Variants in SMYD3 observed in about 807,000 individuals in gnomAD.
The protein encoded by SMYD3 is histone-lysine N-methyltransferase SMYD3.
Under a neutral mutation model 57.7 loss-of-function variants are expected in SMYD3, and 36 were observed. That is an observed-to-expected ratio of 0.62 (90% CI 0.48 to 0.82). The LOEUF is 0.82. SMYD3 is among the 40% of genes least tolerant of loss of function. The pLI is 0.00. For synonymous variants in SMYD3, 211 were observed against 195.0 expected (o/e 1.08, Z -0.68); for missense variants, 515 against 538.8 (o/e 0.96, Z 0.44).
intron 5 of SMYD3, among the ~76,000 whole-genome samples, chr1:246,169,011 C>T (rs545115412): frequency 6.6e-6 from 1 of 152,216 alleles, no homozygotes; most frequent in Admixed American, 6.5e-5. Flanking sequence ...CAATTTTATA[C>T]CTATAATTCT....
At chr1:245,907,349 T>C (rs75512090) in intron 8 of SMYD3, among the ~76,000 whole-genome samples, 1,831 of 152,282 alleles carry the variant, frequency 0.012, 35 homozygotes, top group African/African-American at 0.041. Context: ...GCCCCTACTA[T>C]GTACCCACAA....
At chr1:246,205,887 C>G (rs543993360) in intron 5 of SMYD3, among the ~76,000 whole-genome samples, 1 of 152,234 alleles carries the variant, frequency 6.6e-6, no homozygotes, top group East Asian at 1.9e-4. Flanking sequence ...AGGCAAGTTA[C>G]TAAACTTTTC....
chr1:246,113,491 T>A (rs2061288830), intron 5 of SMYD3, among the ~76,000 whole-genome samples: 1 of 152,246 alleles, frequency 6.6e-6, no homozygotes, highest in South Asian at 2.1e-4. Flanking sequence ...AGATGTTTGC[T>A]GACAGATAAA....
intron 5 of SMYD3, among the ~76,000 whole-genome samples, chr1:246,219,224 G>A (rs992729082): frequency 1.3e-5 from 2 of 152,016 alleles, no homozygotes; most frequent in South Asian, 4.2e-4. Flanking sequence ...AAAACCACCT[G>A]TGGCCCTATC....
chr1:246,154,190 G>C (rs2061986442), intron 5 of SMYD3, among the ~76,000 whole-genome samples: 1 of 152,080 alleles, frequency 6.6e-6, no homozygotes, highest in Non-Finnish European at 1.5e-5. Flanking sequence ...AAATAATAAG[G>C]GCCTTAAAGG....
At chr1:246,169,381 C>CAAAAAAAAAA (rs55719556) in intron 5 of SMYD3, among the ~76,000 whole-genome samples, 1 of 61,880 alleles carries the variant, frequency 1.6e-5, no homozygotes, top group African/African-American at 6.5e-5. Flanking sequence ...GACTTTCTTT[C>CAAAAAAAAAA]AAAAAAAAAA....
At chr1:246,206,995 C>T (rs1180404985) in intron 5 of SMYD3, among the ~76,000 whole-genome samples, 1 of 152,168 alleles carries the variant, frequency 6.6e-6, no homozygotes, top group African/African-American at 2.4e-5. Flanking sequence ...TGAAGGAACA[C>T]AGTTGAGTTC....
chr1:246,483,354 A>C (rs778068188), intron 1 of SMYD3: 1 of 152,220 alleles, frequency 6.6e-6, no homozygotes, highest in African/African-American at 2.4e-5. Context: ...ACAACCATTA[A>C]GACACCCAGA....
chr1:245,914,320 C>G (rs2055238786), intron 8 of SMYD3, among the ~76,000 whole-genome samples: 1 of 152,260 alleles, frequency 6.6e-6, no homozygotes, highest in Middle Eastern at 3.4e-3. Context: ...TACCTGCAGC[C>G]CCATGTTTAT....
At chr1:246,278,714 G>A (rs2064384637) in intron 5 of SMYD3, among the ~76,000 whole-genome samples, 1 of 152,188 alleles carries the variant, frequency 6.6e-6, no homozygotes, top group Admixed American at 6.5e-5. Flanking sequence ...AGCTTTATGA[G>A]ACCCTACATG....
intron 1 of SMYD3, among the ~76,000 whole-genome samples, chr1:246,443,857 C>T (rs2067507046): frequency 3.3e-5 from 5 of 152,104 alleles, no homozygotes; most frequent in Admixed American, 3.3e-4. Context: ...ATTGTTAAGC[C>T]TGTTCTGTCA....
chr1:245,926,744 G>T (rs1558502010), intron 7 of SMYD3, among the ~76,000 whole-genome samples: 1 of 152,106 alleles, frequency 6.6e-6, no homozygotes, highest in Non-Finnish European at 1.5e-5. Context: ...TTTTTAATTT[G>T]CAAAAACATC....
chr1:246,353,079 C>T (rs2065857193), intron 2 of SMYD3, among the ~76,000 whole-genome samples: 1 of 152,128 alleles, frequency 6.6e-6, no homozygotes, highest in Admixed American at 6.5e-5. Context: ...GTATAAAAAG[C>T]AGTATTAATG....
intron 10 of SMYD3, among the ~76,000 whole-genome samples, chr1:245,843,590 A>T (rs2050515291): frequency 6.6e-6 from 1 of 151,286 alleles, no homozygotes; most frequent in Non-Finnish European, 1.5e-5. Context: ...ATGTGCATAT[A>T]CATATATGTG....
intron 10 of SMYD3, among the ~76,000 whole-genome samples, chr1:245,832,944 G>A (rs1223341712): frequency 6.6e-6 from 1 of 151,566 alleles, no homozygotes; most frequent in Non-Finnish European, 1.5e-5. Flanking sequence ...CATAATGGGG[G>A]AATCAGCATT....
rs571831236 is a variant in SMYD3 at position 246,447,644 on chromosome 1, T to G, written c.164+59410A>C. 3.9e-5 allele frequency among the ~76,000 whole-genome samples: 6 copies of G among 152,260 alleles called. No homozygotes were observed. The South Asian group carries it at 1.0e-3, about 26-fold the overall frequency. On this transcript the variant is annotated intron_variant, in intron 1 of 11. Coordinates refer to ENST00000490107, the MANE Select transcript of SMYD3 (RefSeq NM_001167740.2). ...CTTATAGTCTACAGAAGTATCCACA[T>G]AAGGAGAGCTAGCAGGACACACACA...
At position 245,909,552 on chromosome 1, in the gene SMYD3, GAC is replaced by G. The variant is rs543268363; in HGVS notation, c.813+5976_813+5977del. Among the ~76,000 whole-genome samples, 610 of 152,052 alleles carry G rather than the reference GAC, an allele frequency of 4.0e-3. 5 individuals are homozygous for G. Among genetic ancestry groups the G allele is most frequent in the African/African-American group, 0.014 (591 of 41,500 alleles). ...AAGGCCAATATCACTGATTAGCATA[GAC>G]ACACTTTTTTTTCAACAAAATACTG... is the stretch of plus-strand genomic sequence containing the variant. On this transcript the variant is annotated intron_variant, in intron 8 of 11. Coordinates refer to ENST00000490107, the MANE Select transcript of SMYD3 (RefSeq NM_001167740.2).
At chr1:246,314,450 T>A (rs1303545556) in intron 5 of SMYD3, among the ~76,000 whole-genome samples, 1 of 151,828 alleles carries the variant, frequency 6.6e-6, no homozygotes, top group African/African-American at 2.4e-5. Context: ...AAAGGCACGA[T>A]ACCCATAACT....
At chr1:246,174,143 G>A (rs1320331287) in intron 5 of SMYD3, among the ~76,000 whole-genome samples, 2 of 151,986 alleles carry the variant, frequency 1.3e-5, no homozygotes, top group Non-Finnish European at 2.9e-5. Flanking sequence ...GAAGGAGTGT[G>A]CTCTAAGGAT....
Sources: gnomAD v4.1 joint callset for allele counts (sites outside exome capture counted in the v4.1 genomes callset) on GRCh38, gnomAD v4.1.1 for gene constraint, MANE v1.5 for transcripts, NCBI Gene and HGNC (gene_info 2026-07-23, HGNC 2026-07-21) for gene names.